The following CCSER1 variants were observed in gnomAD, a reference collection of about 807,000 sequenced individuals.
CCSER1 encodes serine-rich coiled-coil domain-containing protein 1.
A neutral mutation model predicts 82.0 loss-of-function variants in CCSER1; 41 were observed. The ratio of observed to expected loss-of-function variants is 0.50; its 90% CI spans 0.39 to 0.65. CCSER1 has a LOEUF of 0.65. CCSER1 is among the 30% of genes least tolerant of loss of function. The pLI, the probability that CCSER1 is intolerant of heterozygous loss-of-function variation, is 0.00. For synonymous variants in CCSER1, 414 were observed against 383.9 expected (o/e 1.08, Z -0.92); for missense variants, 1,119 against 1,064.2 (o/e 1.05, Z -0.72).
rs371851081 is a variant in CCSER1 at position 90,742,586 on chromosome 4, G to T, written c.2010+18595G>T. Reference sequence around the variant, plus strand: ...GCCCTCACTAGCCCCTGAATCTGCTGACACCTTGATTTTGGACTTCCCAGC... The same window carrying T: ...GCCCTCACTAGCCCCTGAATCTGCTTACACCTTGATTTTGGACTTCCCAGC... On this transcript the variant is annotated intron_variant, in intron 7 of 10. Coordinates refer to ENST00000509176, the MANE Select transcript of CCSER1 (RefSeq NM_001145065.2). 1.2e-4 allele frequency among the ~76,000 whole-genome samples: 19 copies of T among 152,204 alleles called. No homozygotes were observed. In the South Asian group the frequency reaches 2.3e-3, roughly 18 times the overall value.
chr4:91,303,961 T>G (rs1744860700), intron 10 of CCSER1, among the ~76,000 whole-genome samples: 1 of 152,066 alleles, frequency 6.6e-6, no homozygotes, highest in African/African-American at 2.4e-5. Flanking sequence ...GTCTGTTAAT[T>G]AAATAATATA....
rs73836868 is a variant in CCSER1 at position 91,170,915 on chromosome 4, A to C, written c.2217+84921A>C. Among the ~76,000 whole-genome samples the C allele has an allele frequency of 4.9e-3, 742 of 152,334 alleles. 7 individuals carry two copies. Among genetic ancestry groups the C allele is most frequent in the African/African-American group, 0.017 (707 of 41,578 alleles). On this transcript the variant is annotated intron_variant, in intron 10 of 10. Coordinates refer to ENST00000509176, the MANE Select transcript of CCSER1 (RefSeq NM_001145065.2). ...ATATGATCTTTATCTTCCTATGCAC[A>C]ACCCAGCCTCAGCACCCTTGGATGC...
chr4:90,603,827 A>T (rs1378621361), intron 5 of CCSER1, among the ~76,000 whole-genome samples: 3 of 152,176 alleles, frequency 2.0e-5, no homozygotes, highest in Admixed American at 6.5e-5. Flanking sequence ...CTGTTTGTAG[A>T]TGATTTAGAA....
At chr4:90,264,630 T>G (rs1464325695) in intron 1 of CCSER1, among the ~76,000 whole-genome samples, 5 of 152,132 alleles carry the variant, frequency 3.3e-5, no homozygotes, top group Non-Finnish European at 7.4e-5. Flanking sequence ...TTTTCTCCTT[T>G]TGGTGTCAAT....
chr4:90,398,086 C>A (rs1752290690), intron 3 of CCSER1, among the ~76,000 whole-genome samples: 1 of 152,158 alleles, frequency 6.6e-6, no homozygotes, highest in Admixed American at 6.5e-5. Context: ...AGGCCTCTCT[C>A]CTTGGCTTGC....
intron 5 of CCSER1, among the ~76,000 whole-genome samples, chr4:90,527,982 T>A (rs1445109754): frequency 6.6e-6 from 1 of 152,142 alleles, no homozygotes; most frequent in Non-Finnish European, 1.5e-5. Flanking sequence ...TATGATGATT[T>A]AAAGAGTGAG....
At chr4:90,524,463 T>C (rs747886668) in intron 5 of CCSER1, among the ~76,000 whole-genome samples, 1 of 152,102 alleles carries the variant, frequency 6.6e-6, no homozygotes, top group Non-Finnish European at 1.5e-5. Context: ...ATTGTTTTTT[T>C]TGTTGTTGTT....
chr4:90,459,845 A>G (rs1454462710), intron 4 of CCSER1, among the ~76,000 whole-genome samples: 1 of 152,176 alleles, frequency 6.6e-6, no homozygotes, highest in Non-Finnish European at 1.5e-5. Context: ...ATATCAGCTT[A>G]TATTTGAAGT....
At chr4:91,156,769 TC>T (rs1279929280) in intron 10 of CCSER1, among the ~76,000 whole-genome samples, 1 of 151,758 alleles carries the variant, frequency 6.6e-6, no homozygotes, top group African/African-American at 2.4e-5. Flanking sequence ...ACACCTTCCT[TC>T]TCTTGTCACA....
intron 9 of CCSER1, among the ~76,000 whole-genome samples, chr4:91,029,187 T>A (rs1456439119): frequency 6.6e-6 from 1 of 151,978 alleles, no homozygotes; most frequent in Non-Finnish European, 1.5e-5. Flanking sequence ...ATTAAATAGA[T>A]TCATATTTCT....
intron 3 of CCSER1, among the ~76,000 whole-genome samples, chr4:90,371,155 C>T (rs957204692): frequency 6.7e-6 from 1 of 149,566 alleles, no homozygotes; most frequent in Non-Finnish European, 1.5e-5. Flanking sequence ...GTTGTGTGTT[C>T]ATATCTACTT....
At position 90,487,672 on chromosome 4, in the gene CCSER1, A is replaced by T. The variant is rs140218760; in HGVS notation, c.1724+19318A>T. On this transcript the variant is annotated intron_variant, in intron 5 of 10. Transcript: ENST00000509176. ...TTGTTTGTTTGTTTGTTTGACACGAAGTCTTGTTCTGTCACTAGGCTGGAG... is the reference window on the plus strand; with the variant it reads ...TTGTTTGTTTGTTTGTTTGACACGATGTCTTGTTCTGTCACTAGGCTGGAG... Among the ~76,000 whole-genome samples, 589 of 152,276 alleles carry T rather than the reference A, an allele frequency of 3.9e-3. 2 individuals carry two copies. Among genetic ancestry groups the T allele is most frequent in the African/African-American group, 0.013 (539 of 41,550 alleles).
intron 8 of CCSER1, among the ~76,000 whole-genome samples, chr4:90,888,757 G>A (rs536453282): frequency 4.5e-4 from 69 of 152,242 alleles, no homozygotes; most frequent in Non-Finnish European, 8.2e-4. Context: ...CATAAAGAGC[G>A]AGAAACAGAA....
chr4:91,373,038 T>A (rs1750148646), intron 10 of CCSER1, among the ~76,000 whole-genome samples: 2 of 152,220 alleles, frequency 1.3e-5, no homozygotes, highest in African/African-American at 4.8e-5. Context: ...TATTGGTTTG[T>A]GTTTTTGACC....
At chr4:91,189,614 C>T (rs1455710532) in intron 10 of CCSER1, among the ~76,000 whole-genome samples, 1 of 152,064 alleles carries the variant, frequency 6.6e-6, no homozygotes, top group Non-Finnish European at 1.5e-5. Context: ...TTCTGTGAAA[C>T]CAAATGAAAT....
At chr4:90,979,368 G>A (rs927949001) in intron 9 of CCSER1, among the ~76,000 whole-genome samples, 2 of 151,278 alleles carry the variant, frequency 1.3e-5, no homozygotes, top group African/African-American at 4.9e-5. Context: ...GAATATAAGA[G>A]ATAAGTTCCT....
intron 9 of CCSER1, among the ~76,000 whole-genome samples, chr4:90,974,435 G>A (rs960119401): frequency 2.0e-5 from 3 of 148,226 alleles, no homozygotes; most frequent in Non-Finnish European, 4.5e-5. Context: ...ACTCAATAAA[G>A]CTGGGAGAAT....
At chr4:91,564,761 C>T (rs1446574005) in intron 10 of CCSER1, among the ~76,000 whole-genome samples, 2 of 151,774 alleles carry the variant, frequency 1.3e-5, no homozygotes, top group Non-Finnish European at 2.9e-5. Flanking sequence ...GTTTAGGTTC[C>T]TTATCAATGC....
chr4:91,394,700 A>C (rs1387219049), intron 10 of CCSER1, among the ~76,000 whole-genome samples: 2 of 152,160 alleles, frequency 1.3e-5, no homozygotes, highest in African/African-American at 4.8e-5. Flanking sequence ...AGAAAGCAAA[A>C]TTTAAAACAC....
Sources: gnomAD v4.1 joint callset for allele counts (sites outside exome capture counted in the v4.1 genomes callset) on GRCh38, gnomAD v4.1.1 for gene constraint, MANE v1.5 for transcripts, NCBI Gene and HGNC (gene_info 2026-07-23, HGNC 2026-07-21) for gene names.